ATP8A2: variants seen among roughly 807,000 people sequenced by gnomAD.
ATP8A2 encodes the protein ATPase phospholipid transporting 8A2.
ATP8A2 carries 100 observed loss-of-function variants against 165.6 expected under a neutral mutation model. The observed-to-expected ratio is 0.60, with a 90% confidence interval of 0.51 to 0.71. The LOEUF is 0.71. Among genes scored for constraint, ATP8A2 ranks in the 30% least tolerant of loss-of-function variants. ATP8A2 has a pLI of 0.00. For synonymous variants in ATP8A2, 543 were observed against 548.8 expected (o/e 0.99, Z 0.15); for missense variants, 1,227 against 1,479.5 (o/e 0.83, Z 2.80).
intron 27 of ATP8A2, among the ~76,000 whole-genome samples, chr13:25,809,716 C>T (rs941761724): frequency 2.0e-5 from 3 of 152,070 alleles, no homozygotes; most frequent in Non-Finnish European, 2.9e-5. Flanking sequence ...CTTATTTGTA[C>T]GTTTCCTTCT....
chr13:25,978,863 C>T (rs911039427), intron 35 of ATP8A2, among the ~76,000 whole-genome samples: 1 of 152,120 alleles, frequency 6.6e-6, no homozygotes, highest in Admixed American at 6.5e-5. Flanking sequence ...TGACGTGAAC[C>T]CGGGAGGCGG....
chr13:25,376,883 C>T (rs978832648), intron 1 of ATP8A2, among the ~76,000 whole-genome samples: 1 of 152,278 alleles, frequency 6.6e-6, no homozygotes, highest in Non-Finnish European at 1.5e-5. Flanking sequence ...CAGAAATAAG[C>T]GCTTACTCAC....
chr13:25,849,614 C>G (rs1951957955), intron 30 of ATP8A2, among the ~76,000 whole-genome samples: 1 of 152,206 alleles, frequency 6.6e-6, no homozygotes, highest in Non-Finnish European at 1.5e-5. Context: ...CGGGCTGTTA[C>G]TACTAATGTT....
chr13:25,847,992 G>A (rs6491091), intron 30 of ATP8A2, among the ~76,000 whole-genome samples: 151,488 of 152,282 alleles, frequency 0.99, 75,354 homozygotes, highest in Middle Eastern at 1. Context: ...TACTCCCATT[G>A]TACAATCCTA....
At chr13:25,458,013 A>C (rs973215858) in intron 1 of ATP8A2, among the ~76,000 whole-genome samples, 7 of 152,206 alleles carry the variant, frequency 4.6e-5, no homozygotes, top group African/African-American at 1.7e-4. Context: ...GATTGTAAGC[A>C]AACAGGACAG....
chr13:25,775,241 T>C (rs1229874065), intron 27 of ATP8A2, among the ~76,000 whole-genome samples: 1 of 152,194 alleles, frequency 6.6e-6, no homozygotes. Flanking sequence ...TTGCCATGCC[T>C]CTTCCTCTGT....
At chr13:26,013,173 G>C (rs552281155) in intron 36 of ATP8A2, among the ~76,000 whole-genome samples, 1 of 151,242 alleles carries the variant, frequency 6.6e-6, no homozygotes, top group South Asian at 2.1e-4. Flanking sequence ...CTTGTTTTTA[G>C]CAATCCAGTC....
intron 33 of ATP8A2, among the ~76,000 whole-genome samples, chr13:25,904,139 A>T (rs1246179703): frequency 6.6e-6 from 1 of 152,202 alleles, no homozygotes; most frequent in Non-Finnish European, 1.5e-5. Flanking sequence ...TGCTCTAGCA[A>T]GCGTTTCCTC....
At chr13:25,982,307 G>A (rs768193114) in intron 35 of ATP8A2, among the ~76,000 whole-genome samples, 17 of 152,118 alleles carry the variant, frequency 1.1e-4, no homozygotes, top group African/African-American at 3.9e-4. Context: ...CTGAAGACTC[G>A]CCTGTGACAA....
chr13:25,580,839 C>T (rs1057248114), intron 22 of ATP8A2, among the ~76,000 whole-genome samples: 4 of 152,164 alleles, frequency 2.6e-5, no homozygotes, highest in African/African-American at 9.7e-5. Context: ...CCATGTCTGG[C>T]CCAGTTTCCA....
chr13:25,974,030 G>A (rs935674979), intron 35 of ATP8A2, among the ~76,000 whole-genome samples: 4 of 152,208 alleles, frequency 2.6e-5, no homozygotes, highest in Non-Finnish European at 5.9e-5. Flanking sequence ...GCACCTGGTT[G>A]AGATTTATTT....
chr13:25,835,379 A>G (rs1487999288), intron 28 of ATP8A2, among the ~76,000 whole-genome samples: 3 of 152,140 alleles, frequency 2.0e-5, no homozygotes, highest in African/African-American at 2.4e-5. Flanking sequence ...GACTGAAGGA[A>G]GAGTGTGAGA....
intron 29 of ATP8A2, 152 bp from the exon 30 acceptor site, chr13:25,839,394 G>GT (rs532721577): frequency 0.1 from 47,159 of 465,210 alleles, 1 homozygote; most frequent in East Asian, 0.12. Flanking sequence ...ATTTGGGTGG[G>GT]TTTTTTTTTT....
intron 22 of ATP8A2, among the ~76,000 whole-genome samples, chr13:25,580,731 G>T (rs2039751556): frequency 6.6e-6 from 1 of 152,062 alleles, no homozygotes; most frequent in South Asian, 2.1e-4. Context: ...ATTGGGTCTT[G>T]CTATGTTTCC....
At chr13:25,599,018 G>T (rs1245762493) in intron 24 of ATP8A2, among the ~76,000 whole-genome samples, 2 of 151,002 alleles carry the variant, frequency 1.3e-5, no homozygotes, top group Non-Finnish European at 3.0e-5. Context: ...TTCCAATCAT[G>T]CATGAGCCCT....
intron 27 of ATP8A2, among the ~76,000 whole-genome samples, chr13:25,786,150 A>G (rs902444430): frequency 6.6e-6 from 1 of 152,204 alleles, no homozygotes; most frequent in African/African-American, 2.4e-5. Context: ...ATTTAAAAGT[A>G]TCACATCAGG....
chr13:25,409,063 CT>C (rs2033891390), intron 1 of ATP8A2, among the ~76,000 whole-genome samples: 1 of 152,062 alleles, frequency 6.6e-6, no homozygotes, highest in Non-Finnish European at 1.5e-5. Context: ...CTAGTATGCC[CT>C]TTTCTATTTT....
chr13:25,854,947 A>G (rs1273187255), intron 30 of ATP8A2, among the ~76,000 whole-genome samples: 1 of 152,124 alleles, frequency 6.6e-6, no homozygotes, highest in Non-Finnish European at 1.5e-5. Flanking sequence ...AAGAAACCCT[A>G]TATTCATTAA....
intron 8 of ATP8A2, among the ~76,000 whole-genome samples, chr13:25,540,801 G>T (rs940326073): frequency 6.6e-6 from 1 of 151,850 alleles, no homozygotes; most frequent in African/African-American, 2.4e-5. Context: ...AAACTTCCAT[G>T]CCTTAAAGAA....
Sources: allele counts gnomAD v4.1 joint callset (sites outside exome capture counted in the v4.1 genomes callset), GRCh38; gene constraint gnomAD v4.1.1; transcripts MANE v1.5; gene names NCBI Gene and HGNC (gene_info 2026-07-23, HGNC 2026-07-21).